The following TTLL4 variants were observed in gnomAD, a reference collection of about 807,000 sequenced individuals.
TTLL4 encodes tubulin monoglutamylase TTLL4.
A neutral mutation model predicts 122.7 loss-of-function variants in TTLL4; 85 were observed. The observed-to-expected ratio is 0.69, with a 90% confidence interval of 0.58 to 0.83. The LOEUF (loss-of-function observed/expected upper bound fraction) is 0.83, where lower values mean the gene tolerates loss of function less well. Among genes scored for constraint, TTLL4 ranks in the 40% least tolerant of loss-of-function variants. TTLL4 has a pLI of 0.00. For synonymous variants in TTLL4, 553 were observed against 563.0 expected (o/e 0.98, Z 0.25); for missense variants, 1,363 against 1,488.6 (o/e 0.92, Z 1.39).
intron 7 of TTLL4, 122 bp downstream of exon 7, chr2:218,745,923 C>A: frequency 1.0e-6 from 1 of 954,668 alleles, no homozygotes; most frequent in African/African-American, 1.6e-5. Flanking sequence ...TCCTGAAATC[C>A]AACCTCATAG....
At chr2:218,717,170 C>G (rs1941888206) in intron 1 of TTLL4, among the ~76,000 whole-genome samples, 1 of 151,910 alleles carries the variant, frequency 6.6e-6, no homozygotes, top group Admixed American at 6.6e-5. Flanking sequence ...ACCATGTTGC[C>G]CATGCTGGTC....
chr2:218,755,492 C>T (rs1212607347), downstream of TTLL4: 3 of 152,174 alleles, frequency 2.0e-5, no homozygotes, highest in African/African-American at 7.2e-5. Flanking sequence ...AATTGTCTCT[C>T]ATCTAGGTAT....
At chr2:218,735,426 C>G (rs1942489839) in intron 2 of TTLL4, among the ~76,000 whole-genome samples, 1 of 151,874 alleles carries the variant, frequency 6.6e-6, no homozygotes, top group Non-Finnish European at 1.5e-5. Flanking sequence ...TTAAAAAAAT[C>G]AACTGTGTGT....
intron 19 of TTLL4, among the ~76,000 whole-genome samples, chr2:218,753,929 A>G (rs1575186562): frequency 6.6e-6 from 1 of 152,032 alleles, no homozygotes; most frequent in Non-Finnish European, 1.5e-5. Context: ...TTAGCCCTCT[A>G]CCCGCACCCC....
chr2:218,738,464 C>T lies in TTLL4; in HGVS notation c.788C>T (p.Pro263Leu), dbSNP rs377266125. The T allele has an allele frequency of 1.9e-5, 31 of 1,614,162 alleles. 1 individual carries two copies. The Middle Eastern group carries it at 2.6e-3, about 137-fold the overall frequency. The change falls in exon 3 of 20, where the codon CCG becomes CTG. Residue 263 changes from proline (P) to leucine (L), a missense_variant. By Grantham distance (98) the Pro-to-Leu change is moderately conservative. Coordinates refer to ENST00000392102, the MANE Select transcript of TTLL4 (RefSeq NM_014640.5). Reference sequence around the variant, plus strand: ...TCAGGGGGTACTGGAGACTGTGCACCGCAGCCTGTTGACCATAAGGTGCCC... The same window carrying T: ...TCAGGGGGTACTGGAGACTGTGCACTGCAGCCTGTTGACCATAAGGTGCCC... ...HHSGGTGDCA[P>L]QPVDHKVPKS...
chr2:218,759,657 C>G (rs1454393122), downstream of TTLL4, among the ~76,000 whole-genome samples: 1 of 152,032 alleles, frequency 6.6e-6, no homozygotes, highest in Non-Finnish European at 1.5e-5. Context: ...GGGAACTTGT[C>G]AAATTGTGCA....
intron 2 of TTLL4, 43 bp from the exon 3 acceptor site, chr2:218,737,536 C>A: frequency 9.7e-7 from 1 of 1,034,290 alleles, no homozygotes; most frequent in Non-Finnish European, 1.4e-6. Flanking sequence ...GGTGTCCGTT[C>A]TCCTGGCACT....
intron 2 of TTLL4, among the ~76,000 whole-genome samples, chr2:218,727,638 A>T (rs1942233986): frequency 6.6e-6 from 1 of 152,140 alleles, no homozygotes; most frequent in Admixed American, 6.5e-5. Context: ...CAGGAGGCTG[A>T]GGCTGAGGCA....
intron 5 of TTLL4, among the ~76,000 whole-genome samples, chr2:218,743,736 A>G (rs1209832685): frequency 6.6e-6 from 1 of 152,100 alleles, no homozygotes; most frequent in Non-Finnish European, 1.5e-5. Flanking sequence ...CCGGAGTGCA[A>G]TGGCGTGATC....
chr2:218,756,022 C>T (rs1217491871), downstream of TTLL4, among the ~76,000 whole-genome samples: 3 of 152,180 alleles, frequency 2.0e-5, no homozygotes, highest in South Asian at 2.1e-4. Context: ...GTCCTTGACA[C>T]TCCTATTGGA....
downstream of TTLL4, among the ~76,000 whole-genome samples, chr2:218,758,295 GAT>G (rs1943188217): frequency 6.6e-6 from 1 of 152,144 alleles, no homozygotes; most frequent in African/African-American, 2.4e-5. Context: ...ATTTTGAAAA[GAT>G]ATTTAAGTTT....
intron 1 of TTLL4, among the ~76,000 whole-genome samples, chr2:218,713,469 G>A (rs1403651199): frequency 2.0e-5 from 3 of 152,056 alleles, no homozygotes; most frequent in Admixed American, 6.6e-5. Flanking sequence ...AGTAGTGATG[G>A]GGGTCTCTCT....
intron 2 of TTLL4, chr2:218,736,484 TGAGATC>T (rs992568052): frequency 6.6e-6 from 1 of 152,242 alleles, no homozygotes. Flanking sequence ...TCTTCCTCCC[TGAGATC>T]AGCCCAAACT....
chr2:218,711,944 C>T (rs929298378), intron 1 of TTLL4, among the ~76,000 whole-genome samples: 1 of 151,192 alleles, frequency 6.6e-6, no homozygotes, highest in African/African-American at 2.4e-5. Flanking sequence ...TGTTCCATCC[C>T]ATCCTTCTGT....
At chr2:218,724,432 C>T (rs1942127968) in intron 1 of TTLL4, among the ~76,000 whole-genome samples, 1 of 152,258 alleles carries the variant, frequency 6.6e-6, no homozygotes, top group African/African-American at 2.4e-5. Context: ...ACCCTTCCCC[C>T]TACTCTTCCT....
chr2:218,722,786 T>G (rs1239615983), intron 1 of TTLL4, among the ~76,000 whole-genome samples: 1 of 152,230 alleles, frequency 6.6e-6, no homozygotes. Flanking sequence ...TGATGGTAGC[T>G]TGACTAAGGT....
chr2:218,741,954 T>C (rs780280576), intron 5 of TTLL4, among the ~76,000 whole-genome samples: 1 of 152,106 alleles, frequency 6.6e-6, no homozygotes, highest in Non-Finnish European at 1.5e-5. Flanking sequence ...TTCAAGAAAA[T>C]GGAAATATAT....
chr2:218,746,747 G>C (rs1362049938), intron 8 of TTLL4: 1 of 520,080 alleles, frequency 1.9e-6, no homozygotes, highest in Non-Finnish European at 3.4e-6. Flanking sequence ...CATGGATAAA[G>C]ATGTAATAGC....
chr2:218,726,919 C>A (rs990327787), intron 1 of TTLL4, among the ~76,000 whole-genome samples: 1 of 152,208 alleles, frequency 6.6e-6, no homozygotes, highest in African/African-American at 2.4e-5. Context: ...ATTGTCCTGC[C>A]TCAGCCTCCT....
Sources: allele counts gnomAD v4.1 joint callset (sites outside exome capture counted in the v4.1 genomes callset), GRCh38; gene constraint gnomAD v4.1.1; transcripts MANE v1.5; gene names NCBI Gene and HGNC (gene_info 2026-07-23, HGNC 2026-07-21).